SS18L2: variants seen among roughly 807,000 people sequenced by gnomAD.
The protein encoded by SS18L2 is SS18 like 2.
In SS18L2, 8 loss-of-function variants were observed where a neutral mutation model predicts 10.3. The observed-to-expected ratio is 0.78, with a 90% confidence interval of 0.46 to 1.41. The LOEUF (loss-of-function observed/expected upper bound fraction) is 1.41, where lower values mean the gene tolerates loss of function less well. Ranked by LOEUF, SS18L2 falls within the 40% of genes most tolerant of loss-of-function variation. SS18L2 has a pLI of 0.00. For missense variants in SS18L2, 100 were observed against 96.2 expected (o/e 1.04, Z -0.17); for synonymous variants, 41 against 34.6 (o/e 1.19, Z -0.65).
intron 1 of SS18L2, 120 bp downstream of exon 1, chr3:42,591,086 A>T: frequency 8.5e-7 from 1 of 1,171,908 alleles, no homozygotes; most frequent in Non-Finnish European, 1.2e-6. Context: ...GGTGCTGAGC[A>T]GCCGGGGTGC....
rs1704998910 is a variant in SS18L2, at chr3:42,595,387, C to T, written c.*878C>T. Among the ~76,000 whole-genome samples the T allele has an allele frequency of 6.6e-6, 1 of 152,108 alleles. No homozygotes were observed. Among genetic ancestry groups the T allele is most frequent in the Admixed American group, 6.5e-5 (1 of 15,280 alleles). On this transcript the variant is annotated 3_prime_UTR_variant, in exon 3 of 3. Coordinates refer to ENST00000011691, the MANE Select transcript of SS18L2 (RefSeq NM_001370300.1). ...CTCTGTAGTGTTGTTAATTATGTGC[C>T]ACTATCATCCACTTTTCCTGTAAAC...
rs890871278 is a variant in SS18L2 at position 42,594,969 on chromosome 3, G to C, written c.*460G>C. ...CTGACTGCTGTTTTCAGATTGCTTT[G>C]AAATAAAGCTTATTTTTCTATAAAA... On this transcript the variant is annotated 3_prime_UTR_variant, in exon 3 of 3. Coordinates refer to ENST00000011691, the MANE Select transcript of SS18L2 (RefSeq NM_001370300.1). 1 of 152,798 alleles carries C rather than the reference G, an allele frequency of 6.5e-6. No homozygotes were observed. Among genetic ancestry groups the C allele is most frequent in the African/African-American group, 2.4e-5 (1 of 41,442 alleles). The allele number at this position is 152,798 out of a possible 1,614,324, so 9.5% of individuals were successfully genotyped here.
At chr3:42,589,524 G>C (rs1442514052), upstream of SS18L2, among the ~76,000 whole-genome samples, 1 of 152,178 alleles carries the variant, frequency 6.6e-6, no homozygotes, top group Non-Finnish European at 1.5e-5. Flanking sequence ...GCTAGAACAG[G>C]GGACCGGTAC....
rs762233892 is a variant in SS18L2 at position 42,594,421 on chromosome 3, G to C, written c.147-1G>C. ...ATTTTTGCCTGTTTTTTTGCCCATA[G>C]GTACCAGCATGTGTTACATAGAAAT... On this transcript the variant is annotated splice_acceptor_variant, in intron 2 of 2. Transcript: ENST00000011691. LOFTEE classifies it high-confidence loss of function. The C allele has an allele frequency of 6.2e-7, 1 of 1,610,314 alleles. No individual in the cohort carries two copies. The highest frequency in any genetic ancestry group is 2.2e-5 in the East Asian group (1 of 44,804).
upstream of SS18L2, among the ~76,000 whole-genome samples, chr3:42,590,463 T>C (rs1704780807): frequency 6.6e-6 from 1 of 152,002 alleles, no homozygotes. Flanking sequence ...ACCCCGTCTC[T>C]ACTAATACAA....
chr3:42,592,195 T>A (rs1704874515), intron 2 of SS18L2, among the ~76,000 whole-genome samples: 1 of 152,160 alleles, frequency 6.6e-6, no homozygotes, highest in Non-Finnish European at 1.5e-5. Flanking sequence ...CGCCCATTTT[T>A]TTCTTTTCTT....
rs1234369790 is a variant in SS18L2, at chr3:42,595,027, A to G, written c.*518A>G. The G allele has an allele frequency of 1.3e-5, 2 of 152,356 alleles. No individual in the cohort carries two copies. Among genetic ancestry groups the G allele is most frequent in the Admixed American group, 6.5e-5 (1 of 15,294 alleles). 9.4% of individuals were successfully genotyped at this position (152,356 alleles called of 1,614,324 possible). The stretch of plus-strand genomic sequence containing the variant: ...GTGGAGGTATAGAAGTTTTCATGTA[A>G]TAAGTATTCCATTTGGTTTTCAAGA... On this transcript the variant is annotated 3_prime_UTR_variant, in exon 3 of 3. Coordinates refer to ENST00000011691, the MANE Select transcript of SS18L2 (RefSeq NM_001370300.1).
chr3:42,585,960 T>C (rs1364881260), upstream of SS18L2, among the ~76,000 whole-genome samples: 1 of 151,448 alleles, frequency 6.6e-6, no homozygotes, highest in Non-Finnish European at 1.5e-5. Flanking sequence ...CCCCGCTTGC[T>C]CTCCCAGGAA....
At chr3:42,589,775 A>C (rs1704752014), upstream of SS18L2, among the ~76,000 whole-genome samples, 1 of 152,218 alleles carries the variant, frequency 6.6e-6, no homozygotes, top group Non-Finnish European at 1.5e-5. Context: ...GAAGACAAGA[A>C]AAATTGTCTT....
At chr3:42,588,381 G>A (rs1704694312), upstream of SS18L2, among the ~76,000 whole-genome samples, 1 of 152,032 alleles carries the variant, frequency 6.6e-6, no homozygotes, top group African/African-American at 2.4e-5. Flanking sequence ...CTCCAGCTTG[G>A]GCAACAGAAT....
At chr3:42,588,073 A>AAAAAAC, upstream of SS18L2, among the ~76,000 whole-genome samples, 1 of 151,532 alleles carries the variant, frequency 6.6e-6, no homozygotes, top group Admixed American at 6.6e-5. Flanking sequence ...AACTGTCTCA[A>AAAAAAC]AAAAACAAAA....
chr3:42,591,403 C>T, intron 1 of SS18L2, 122 bp from the exon 2 acceptor site: 1 of 712,892 alleles, frequency 1.4e-6, no homozygotes, highest in Non-Finnish European at 2.5e-6. Flanking sequence ...CCATGTTGGC[C>T]AGGCTAGTCT....
rs751251322 is a variant in SS18L2, at chr3:42,594,432, G to A, written c.157G>A (p.Val53Met). Residue 53 changes from valine (V) to methionine (M), a missense_variant, in exon 3 of 3, where the codon GTG becomes ATG. Physicochemically the swap from Val to Met is conservative, Grantham distance 21. Transcript: ENST00000011691. Reference protein sequence around the residue: ...RGNECVQYQHVLHRNLIYLAT... With the variant: ...RGNECVQYQHMLHRNLIYLAT... ...TTTTTTTGCCCATAGGTACCAGCAT[G>A]TGTTACATAGAAATCTCATTTATTT... 12 of 1,613,590 alleles carry A rather than the reference G, an allele frequency of 7.4e-6. No homozygotes were observed. Among genetic ancestry groups the A allele is most frequent in the African/African-American group, 2.7e-5 (2 of 74,914 alleles).
rs146027964 is a variant in SS18L2, at chr3:42,594,623, A to G, written c.*114A>G. On this transcript the variant is annotated 3_prime_UTR_variant, in exon 3 of 3. Transcript: ENST00000011691. ...CTTTACCAACTCAACTGGTTAAAAC[A>G]TGAATGAAACCTCTGTGGCTCTTTC... is the stretch of plus-strand genomic sequence containing the variant. The G allele has an allele frequency of 4.2e-5, 36 of 854,408 alleles. No homozygotes were observed. In the African/African-American group the frequency reaches 4.9e-4, roughly 12 times the overall value. The allele number at this position is 854,408 out of a possible 1,614,324, so 52.9% of individuals were successfully genotyped here.
At chr3:42,588,267 G>C (rs2125737803), upstream of SS18L2, among the ~76,000 whole-genome samples, 2 of 151,532 alleles carry the variant, frequency 1.3e-5, no homozygotes, top group Middle Eastern at 3.4e-3. Flanking sequence ...AGCTGGGCAT[G>C]GTGGCTTATG....
chr3:42,594,340 G>C (rs1166699772), intron 2 of SS18L2, 82 bp from the exon 3 acceptor site: 2 of 1,056,812 alleles, frequency 1.9e-6, no homozygotes, highest in Non-Finnish European at 2.9e-6. Context: ...CATTCCACTA[G>C]AGTGGGTAAA....
upstream of SS18L2, among the ~76,000 whole-genome samples, chr3:42,589,360 A>G (rs1295894006): frequency 1.8e-4 from 28 of 152,206 alleles, no homozygotes; most frequent in Non-Finnish European, 1.6e-4. Context: ...AAAGCAGATG[A>G]GCTTGCTCAG....
At chr3:42,584,556 G>A (rs561291261) in intron 1 of SS18L2, among the ~76,000 whole-genome samples, 2 of 152,218 alleles carry the variant, frequency 1.3e-5, no homozygotes, top group East Asian at 1.9e-4. Context: ...ACGCCTAGCC[G>A]GGACATAGAC....
At chr3:42,591,469 A>G in intron 1 of SS18L2, 56 bp from the exon 2 acceptor site, 1 of 1,332,816 alleles carries the variant, frequency 7.5e-7, no homozygotes, top group Non-Finnish European at 1.1e-6. Context: ...CCGGGGTTAC[A>G]GGCGTGAGCC....
Sources: gnomAD v4.1 joint callset for allele counts (sites outside exome capture counted in the v4.1 genomes callset) on GRCh38, gnomAD v4.1.1 for gene constraint, MANE v1.5 for transcripts, NCBI Gene and HGNC (gene_info 2026-07-23, HGNC 2026-07-21) for gene names.